KREMEN1: variants seen among roughly 807,000 people sequenced by gnomAD.
The protein encoded by KREMEN1 is kremen protein 1.
KREMEN1 carries 30 observed loss-of-function variants against 46.5 expected under a neutral mutation model. That is an observed-to-expected ratio of 0.65 (90% CI 0.48 to 0.88). The LOEUF (loss-of-function observed/expected upper bound fraction) is 0.88, where lower values mean the gene tolerates loss of function less well. KREMEN1 is among the 40% of genes least tolerant of loss of function. The probability of loss-of-function intolerance (pLI) is 0.00; values close to 1 mark genes in which losing one functional copy is unlikely to be tolerated. For missense variants in KREMEN1, 533 were observed against 596.9 expected (o/e 0.89, Z 1.11); for synonymous variants, 214 against 230.6 (o/e 0.93, Z 0.65).
chr22:29,085,745 C>T (rs951645170), intron 1 of KREMEN1, among the ~76,000 whole-genome samples: 5 of 152,142 alleles, frequency 3.3e-5, no homozygotes, highest in Admixed American at 3.3e-4. Flanking sequence ...GAGGCAGAGG[C>T]AGGTGGATAG....
At chr22:29,079,703 C>G (rs1421353013) in intron 1 of KREMEN1, among the ~76,000 whole-genome samples, 2 of 152,216 alleles carry the variant, frequency 1.3e-5, no homozygotes, top group African/African-American at 2.4e-5. Flanking sequence ...AAAGGTGATT[C>G]AGAGCGGCTG....
chr22:29,137,197 G>A (rs763678046), intron 5 of KREMEN1, 145 bp from the exon 6 acceptor site: 9 of 528,386 alleles, frequency 1.7e-5, no homozygotes, highest in African/African-American at 5.8e-5. Flanking sequence ...TCAGCGATTC[G>A]TTTTGTGACT....
intron 9 of KREMEN1, among the ~76,000 whole-genome samples, chr22:29,152,558 A>C (rs1160192732): frequency 6.6e-6 from 1 of 152,080 alleles, no homozygotes; most frequent in Non-Finnish European, 1.5e-5. Flanking sequence ...GCGCTGACTT[A>C]CTGGGCTGGG....
chr22:29,138,585 C>G (rs760594838), intron 6 of KREMEN1, 39 bp from the exon 7 acceptor site: 1 of 1,586,670 alleles, frequency 6.3e-7, no homozygotes, highest in Non-Finnish European at 8.7e-7. Context: ...TTGTTGTCTC[C>G]ATAGCCCTGT....
At chr22:29,161,559 C>G (rs1405412809) in intron 9 of KREMEN1, among the ~76,000 whole-genome samples, 1 of 146,548 alleles carries the variant, frequency 6.8e-6, no homozygotes, top group African/African-American at 2.5e-5. Context: ...AAAAAACTTA[C>G]CAGCCAAAAA....
Position 29,142,248 on chromosome 22 carries a change from C to G in KREMEN1, c.*136C>G, listed in dbSNP as rs2038776218. 1.5e-6 allele frequency: 2 copies of G among 1,372,924 alleles called. No individual in the cohort carries two copies. The highest frequency in any genetic ancestry group is 1.5e-5 in the African/African-American group (1 of 67,250). The allele number at this position is 1,372,924 out of a possible 1,614,324, so 85.0% of individuals were successfully genotyped here. ...TCGGCCTCTTCGGGGAAACCCTCCT[C>G]CTACAGACTAGGAAGAGGCACCCTG... On this transcript the variant is annotated 3_prime_UTR_variant, in exon 9 of 9. Coordinates refer to ENST00000400335, the MANE Select transcript of KREMEN1 (RefSeq NM_001039570.3).
chr22:29,131,622 GTATATATGTA>G (rs2038546551), intron 5 of KREMEN1, among the ~76,000 whole-genome samples: 2 of 125,354 alleles, frequency 1.6e-5, no homozygotes, highest in South Asian at 2.5e-4. Flanking sequence ...GTATATATAT[GTATATATGTA>G]TATATATGTG....
intron 3 of KREMEN1, chr22:29,111,648 A>C (rs1249249053): frequency 1.3e-5 from 2 of 148,600 alleles, no homozygotes; most frequent in Non-Finnish European, 3.0e-5. Flanking sequence ...TTAGCAGAGG[A>C]GTTACATCAT....
At chr22:29,076,534 A>G (rs1485414886) in intron 1 of KREMEN1, among the ~76,000 whole-genome samples, 1 of 152,228 alleles carries the variant, frequency 6.6e-6, no homozygotes, top group Admixed American at 6.5e-5. Context: ...GTGAAAATAT[A>G]CTTTAGTCCC....
At chr22:29,141,897 TTTGCG>T in intron 8 of KREMEN1, 42 bp from the exon 9 acceptor site, 5 of 1,446,876 alleles carry the variant, frequency 3.5e-6, no homozygotes, top group Non-Finnish European at 4.7e-6. Flanking sequence ...TGGTAGGTTG[TTTGCG>T]TTGTTCTAAT....
intron 5 of KREMEN1, among the ~76,000 whole-genome samples, chr22:29,126,109 G>A (rs534734253): frequency 4.6e-5 from 2 of 43,036 alleles, no homozygotes; most frequent in African/African-American, 1.7e-4. Context: ...AGATAGTGGA[G>A]GCAGACAAAA....
chr22:29,081,241 T>C (rs2045827379), intron 1 of KREMEN1, among the ~76,000 whole-genome samples: 1 of 152,128 alleles, frequency 6.6e-6, no homozygotes, highest in Non-Finnish European at 1.5e-5. Flanking sequence ...TATCCACATC[T>C]AACCTCTTTA....
intron 5 of KREMEN1, among the ~76,000 whole-genome samples, chr22:29,131,096 C>A (rs992238681): frequency 1.5e-4 from 23 of 152,190 alleles, no homozygotes; most frequent in African/African-American, 5.5e-4. Flanking sequence ...CCAACACTTA[C>A]TGAGCTTATA....
rs2038800341 is a variant in KREMEN1 at position 29,143,350 on chromosome 22, T to G, written c.*1238T>G. 1.0e-6 allele frequency: 1 copy of G among 985,104 alleles called. No homozygotes were observed. Among genetic ancestry groups the G allele is most frequent in the South Asian group, 4.7e-5 (1 of 21,276 alleles). 61.0% of individuals were successfully genotyped at this position (985,104 alleles called of 1,614,324 possible). ...GGCTCAGCTAACTCTCAGTTCAGAG[T>G]GGAGAGTATCAATCTTGTGTTTTTG... On this transcript the variant is annotated 3_prime_UTR_variant, in exon 9 of 9. Transcript: ENST00000400335.
intron 7 of KREMEN1, 51 bp from the exon 8 acceptor site, chr22:29,140,231 C>G: frequency 2.7e-6 from 4 of 1,504,010 alleles, no homozygotes; most frequent in Non-Finnish European, 3.7e-6. Context: ...GACCTCCTTT[C>G]GAAAACCAAC....
chr22:29,141,512 T>C (rs149329519), intron 8 of KREMEN1, among the ~76,000 whole-genome samples: 4 of 152,338 alleles, frequency 2.6e-5, no homozygotes, highest in Non-Finnish European at 5.9e-5. Context: ...CCGTGGGGGC[T>C]GAACAGAGTC....
At chr22:29,126,690 C>T (rs2038449752) in intron 5 of KREMEN1, among the ~76,000 whole-genome samples, 1 of 152,170 alleles carries the variant, frequency 6.6e-6, no homozygotes, top group Admixed American at 6.5e-5. Flanking sequence ...GACTATAAAA[C>T]CCAGCCAAGG....
chr22:29,120,132 TGGAAACAGGGAGGAGGGAGAGGTGATGAA>T (rs2038313908), intron 3 of KREMEN1, among the ~76,000 whole-genome samples: 1 of 24,126 alleles, frequency 4.1e-5, no homozygotes, highest in Non-Finnish European at 7.7e-5. Context: ...GAGGTGATGA[TGGAAACAGGGAGGAGGGAGAGGTGATGAA>T]GGAAATGGAG....
chr22:29,153,747 G>A lies in KREMEN1; in HGVS notation c.1416+11647G>A, dbSNP rs566511174. 1.6e-4 allele frequency among the ~76,000 whole-genome samples: 25 copies of A among 152,136 alleles called. No homozygotes were observed. The East Asian group carries it at 2.7e-3, about 17-fold the overall frequency. On this transcript the variant is annotated intron_variant, in intron 9 of 9. Transcript: ENST00000327813. ...TATAATCCCAGCACTTTGGGAGGCC[G>A]AGGCGGGCGGATCACCTGAGGTCAG... is the stretch of plus-strand genomic sequence containing the variant.
Sources: allele counts gnomAD v4.1 joint callset (sites outside exome capture counted in the v4.1 genomes callset), GRCh38; gene constraint gnomAD v4.1.1; transcripts MANE v1.5; gene names NCBI Gene and HGNC (gene_info 2026-07-23, HGNC 2026-07-21).